MAP3K2: variants seen among roughly 807,000 people sequenced by gnomAD.
The protein encoded by MAP3K2 is MAP/ERK kinase kinase 2.
A neutral mutation model predicts 80.3 loss-of-function variants in MAP3K2; 24 were observed. The ratio of observed to expected loss-of-function variants is 0.30; its 90% CI spans 0.22 to 0.42. The LOEUF (loss-of-function observed/expected upper bound fraction) is 0.42. MAP3K2 is among the 10% of genes least tolerant of loss of function. MAP3K2 has a pLI of 1.00. For missense variants in MAP3K2, 608 were observed against 750.1 expected (o/e 0.81, Z 2.21); for synonymous variants, 244 against 253.7 (o/e 0.96, Z 0.36).
chr2:127,309,513 A>G (rs1269857631), intron 15 of MAP3K2, among the ~76,000 whole-genome samples: 2 of 152,170 alleles, frequency 1.3e-5, no homozygotes, highest in African/African-American at 4.8e-5. Context: ...AATATTATTA[A>G]CCAAGTTCAT....
At chr2:127,326,436 A>G (rs1686142911) in intron 8 of MAP3K2, among the ~76,000 whole-genome samples, 1 of 152,324 alleles carries the variant, frequency 6.6e-6, no homozygotes. Flanking sequence ...TACAAAGCAA[A>G]TGCATTATCA....
At chr2:127,388,206 C>A, upstream of MAP3K2, 1 of 985,486 alleles carries the variant, frequency 1.0e-6, no homozygotes, top group South Asian at 4.7e-5. Flanking sequence ...GCCCCTGCCC[C>A]GGGGCAGCCT....
In MAP3K2 at chr2:127,329,949, T is replaced by C; in HGVS notation, c.438A>G (p.Ala146=). ...TTATAGATAGCCGTTTTTTCCTCTCTGCTCCAAATACTGTATTATCCAAAT... is the reference window on the plus strand; with the variant it reads ...TTATAGATAGCCGTTTTTTCCTCTCCGCTCCAAATACTGTATTATCCAAAT... ...LEDLDNTVFG[A]ERKKRLSIIG... The change falls in exon 7 of 17, where the codon GCA becomes GCG. Residue 146 remains alanine, a synonymous_variant. Transcript: ENST00000682094. 6.2e-7 allele frequency: 1 copy of C among 1,608,574 alleles called. No individual in the cohort carries two copies. Among genetic ancestry groups the C allele is most frequent in the Non-Finnish European group, 8.5e-7 (1 of 1,175,650 alleles).
At chr2:127,352,147 G>A (rs1686702134) in intron 1 of MAP3K2, among the ~76,000 whole-genome samples, 2 of 151,980 alleles carry the variant, frequency 1.3e-5, no homozygotes, top group Non-Finnish European at 2.9e-5. Context: ...AAAGTGCTGC[G>A]ATTACAGCCG....
rs977871725 is a variant in MAP3K2 at position 127,343,356 on chromosome 2, T to G, written c.-65-162A>C. 3 of 467,830 alleles carry G rather than the reference T, an allele frequency of 6.4e-6. No individual in the cohort carries two copies. The East Asian group carries it at 9.5e-5, about 15-fold the overall frequency. 29.0% of individuals were successfully genotyped at this position (467,830 alleles called of 1,614,324 possible). A position where few individuals can be genotyped will look rare whatever the true frequency, so the allele number is the denominator to read the frequency against. ...GGTGTTTTATATTGAAGGTTGATCA[T>G]GTAGGCACCCCCTTGCCTAACACAT... On this transcript the variant is annotated intron_variant, in intron 1 of 16. Coordinates refer to ENST00000682094, the MANE Select transcript of MAP3K2 (RefSeq NM_001371910.2).
At chr2:127,318,631 T>G (rs1685954296) in intron 12 of MAP3K2, among the ~76,000 whole-genome samples, 2 of 152,224 alleles carry the variant, frequency 1.3e-5, no homozygotes, top group South Asian at 4.1e-4. Flanking sequence ...GATGCACCAT[T>G]TCTATTCTTC....
intron 7 of MAP3K2, among the ~76,000 whole-genome samples, chr2:127,329,313 T>C (rs1296910299): frequency 1.3e-5 from 2 of 152,100 alleles, no homozygotes; most frequent in African/African-American, 4.8e-5. Context: ...TTTTAATACA[T>C]TATAATTACT....
At chr2:127,308,114 A>G (rs1469818475) in intron 16 of MAP3K2, among the ~76,000 whole-genome samples, 4 of 152,226 alleles carry the variant, frequency 2.6e-5, no homozygotes, top group African/African-American at 7.2e-5. Context: ...TACAAAGAAT[A>G]TAAGCATTAG....
chr2:127,317,870 T>A, intron 13 of MAP3K2, 110 bp from the exon 14 acceptor site: 1 of 987,584 alleles, frequency 1.0e-6, no homozygotes. Context: ...AGTTCCCAAG[T>A]AATAAACATC....
At chr2:127,343,086 CT>C in intron 2 of MAP3K2, 39 bp downstream of exon 2, 2 of 1,525,402 alleles carry the variant, frequency 1.3e-6, no homozygotes, top group South Asian at 2.4e-5. Flanking sequence ...CCATTCTATC[CT>C]TTAATTATTG....
rs1687405081 is a variant in MAP3K2, at chr2:127,387,955, C to T, written c.-569G>A. The T allele has an allele frequency of 1.0e-5, 10 of 984,764 alleles. No individual in the cohort carries two copies. Among genetic ancestry groups the T allele is most frequent in the African/African-American group, 3.5e-5 (2 of 57,270 alleles). 61.0% of individuals were successfully genotyped at this position (984,764 alleles called of 1,614,324 possible). Reference sequence around the variant, plus strand: ...CGCTGAGGGCAGGCAGCCCGGCAGCCACTACACACGGACCCGTGACGTCGG... The same window carrying T: ...CGCTGAGGGCAGGCAGCCCGGCAGCTACTACACACGGACCCGTGACGTCGG... On this transcript the variant is annotated 5_prime_UTR_variant, in exon 1 of 17. Transcript: ENST00000682094.
chr2:127,387,881 A>C lies in MAP3K2; in HGVS notation c.-495T>G. The C allele has an allele frequency of 2.0e-6, 2 of 981,304 alleles. No homozygotes were observed. The highest frequency in any genetic ancestry group is 2.4e-6 in the Non-Finnish European group (2 of 826,896). The allele number at this position is 981,304 out of a possible 1,614,324, so 60.8% of individuals were successfully genotyped here. On this transcript the variant is annotated 5_prime_UTR_variant, in exon 1 of 17. Coordinates refer to ENST00000682094, the MANE Select transcript of MAP3K2 (RefSeq NM_001371910.2). ...TTTCGTCGCCGCCGCGGGCCGTGCA[A>C]CCCCCGAACGCTGCGCCCAGCGGCC...
intron 2 of MAP3K2, among the ~76,000 whole-genome samples, 179 bp downstream of exon 2, chr2:127,342,947 G>A (rs937289762): frequency 2.6e-5 from 4 of 151,946 alleles, no homozygotes; most frequent in Admixed American, 6.5e-5. Context: ...TAAAACTACA[G>A]CAACACAAAA....
intron 1 of MAP3K2, among the ~76,000 whole-genome samples, chr2:127,385,486 A>G (rs975946004): frequency 6.6e-6 from 1 of 152,250 alleles, no homozygotes; most frequent in Non-Finnish European, 1.5e-5. Context: ...CGTGAAACTA[A>G]AAAGTTTATG....
intron 10 of MAP3K2, 69 bp from the exon 11 acceptor site, chr2:127,324,063 G>T: frequency 9.2e-7 from 1 of 1,082,152 alleles, no homozygotes; most frequent in South Asian, 1.7e-5. Flanking sequence ...ATGATGAAAA[G>T]CACATTTATA....
chr2:127,355,009 T>G (rs1686772906), intron 1 of MAP3K2, among the ~76,000 whole-genome samples: 1 of 151,750 alleles, frequency 6.6e-6, no homozygotes, highest in African/African-American at 2.4e-5. Context: ...TGACAAAAAA[T>G]AAAACCAATA....
At chr2:127,337,300 C>T (rs10496662) in intron 4 of MAP3K2, among the ~76,000 whole-genome samples, 5,593 of 152,196 alleles carry the variant, frequency 0.037, 352 homozygotes, top group African/African-American at 0.13. Flanking sequence ...GTCCAATTCA[C>T]TTTCCTCAAC....
In MAP3K2 at chr2:127,302,468, TGCAA is replaced by T. The variant is rs1685615528; in HGVS notation, c.*5107_*5110del. 1.3e-5 allele frequency: 2 copies of T among 151,082 alleles called. No homozygotes were observed. Among genetic ancestry groups the T allele is most frequent in the Non-Finnish European group, 3.0e-5 (2 of 67,796 alleles). The allele number at this position is 151,082 out of a possible 1,614,324, so 9.4% of individuals were successfully genotyped here. The stretch of plus-strand genomic sequence containing the variant: ...ACACACACACACACACACACATGCA[TGCAA>T]ACGCACACATACATGCACACATGCA... On this transcript the variant is annotated 3_prime_UTR_variant, in exon 17 of 17. Transcript: ENST00000682094.
rs545663838 is a variant in MAP3K2, at chr2:127,299,530, C to T, written c.*8049G>A. 2 of 152,212 alleles carry T rather than the reference C, an allele frequency of 1.3e-5. No homozygotes were observed. Among genetic ancestry groups the T allele is most frequent in the African/African-American group, 2.4e-5 (1 of 41,546 alleles). 9.4% of individuals were successfully genotyped at this position (152,212 alleles called of 1,614,324 possible). A position where few individuals can be genotyped will look rare whatever the true frequency, so the allele number is the denominator to read the frequency against. ...TGGAGATAGAAAAATCTTGACATCTCGAGACAATTTAGTTTCTCACATTTT... is the reference window on the plus strand; with the variant it reads ...TGGAGATAGAAAAATCTTGACATCTTGAGACAATTTAGTTTCTCACATTTT... On this transcript the variant is annotated 3_prime_UTR_variant, in exon 17 of 17. Transcript: ENST00000682094.
Sources: allele counts gnomAD v4.1 joint callset (sites outside exome capture counted in the v4.1 genomes callset), GRCh38; gene constraint gnomAD v4.1.1; transcripts MANE v1.5; gene names NCBI Gene and HGNC (gene_info 2026-07-23, HGNC 2026-07-21).